Variants in ABHD3 observed in about 807,000 individuals in gnomAD.
ABHD3 encodes the protein abhydrolase domain containing 3, phospholipase, also known as phospholipase ABHD3.
In ABHD3, 46 loss-of-function variants were observed where a neutral mutation model predicts 48.8. The ratio of observed to expected loss-of-function variants is 0.94; its 90% CI spans 0.74 to 1.20. The LOEUF is 1.20. Ranked by LOEUF, ABHD3 falls within the 50% of genes most tolerant of loss-of-function variation. The probability of loss-of-function intolerance (pLI) is 0.00; values close to 1 mark genes in which losing one functional copy is unlikely to be tolerated. For missense variants in ABHD3, 490 were observed against 497.8 expected (o/e 0.98, Z 0.15); for synonymous variants, 192 against 183.7 (o/e 1.04, Z -0.36).
chr18:21,682,906 T>A (rs750836437), intron 4 of ABHD3: 1 of 152,178 alleles, frequency 6.6e-6, no homozygotes, highest in African/African-American at 2.4e-5. Flanking sequence ...AACCTTCACG[T>A]CAAGCTATTT....
At position 21,664,141 on chromosome 18, in the gene ABHD3, C is replaced by T. The variant is rs757682905; in HGVS notation, c.645G>A (p.Leu215=). The T allele has an allele frequency of 6.2e-7, 1 of 1,612,234 alleles. No homozygotes were observed. The highest frequency in any genetic ancestry group is 2.2e-5 in the East Asian group (1 of 44,856). ...VHSLYPSAPF[L]AAGVSMGGML... ...ACCCTCCCATTGAAACCCCTGCTGCCAGGAAAGGAGCAGAAGGGTACAGGC... is the reference window on the plus strand; with the variant it reads ...ACCCTCCCATTGAAACCCCTGCTGCTAGGAAAGGAGCAGAAGGGTACAGGC... The change falls in exon 5 of 9, where the codon CTG becomes CTA. Residue 215 remains leucine (L), a synonymous_variant. Coordinates refer to ENST00000289119, the MANE Select transcript of ABHD3 (RefSeq NM_138340.5).
At chr18:21,678,496 GCTTT>G (rs1200936843) in intron 4 of ABHD3, among the ~76,000 whole-genome samples, 8 of 151,916 alleles carry the variant, frequency 5.3e-5, no homozygotes, top group African/African-American at 1.9e-4. Flanking sequence ...ACTAAAAATA[GCTTT>G]CTGTGTCTAC....
intron 4 of ABHD3, among the ~76,000 whole-genome samples, chr18:21,680,318 A>T (rs765601684): frequency 1.8e-4 from 28 of 152,130 alleles, no homozygotes; most frequent in Non-Finnish European, 3.1e-4. Flanking sequence ...GCCCAGTCTC[A>T]TGTTTATTAT....
Position 21,683,908 on chromosome 18 carries a change from A to G in ABHD3, c.555+12T>C. The G allele has an allele frequency of 1.9e-6, 3 of 1,587,940 alleles. No homozygotes were observed. Among genetic ancestry groups the G allele is most frequent in the Non-Finnish European group, 2.6e-6 (3 of 1,166,346 alleles). On this transcript the variant is annotated intron_variant, in intron 4 of 8. Transcript: ENST00000289119. ...TAAAAAGTTAAGACTGTTGTCATTT[A>G]AATTTACTTACCAAGAGATTCTCCC... is the stretch of plus-strand genomic sequence containing the variant.
chr18:21,698,773 G>T (rs1278780859), intron 3 of ABHD3, among the ~76,000 whole-genome samples: 1 of 151,646 alleles, frequency 6.6e-6, no homozygotes, highest in Non-Finnish European at 1.5e-5. Context: ...TGTAGATGGG[G>T]TTTCGCCATG....
chr18:21,667,527 C>T (rs925555386), intron 4 of ABHD3, among the ~76,000 whole-genome samples: 2 of 152,136 alleles, frequency 1.3e-5, no homozygotes, highest in Non-Finnish European at 1.5e-5. Flanking sequence ...AGGCGTGAAT[C>T]ACCGCGCCCA....
intron 3 of ABHD3, chr18:21,701,412 A>C (rs2040510424): frequency 6.6e-6 from 1 of 152,192 alleles, no homozygotes; most frequent in African/African-American, 2.4e-5. Context: ...CATGTTGCCC[A>C]GGCTGGTCTC....
chr18:21,656,755 TATC>T (rs1364569228), intron 8 of ABHD3, 103 bp downstream of exon 8: 8 of 1,136,596 alleles, frequency 7.0e-6, no homozygotes, highest in Non-Finnish European at 8.5e-6. Context: ...CTAGTTTTTT[TATC>T]ATAATGGAAA....
At position 21,663,915 on chromosome 18, in the gene ABHD3, A is replaced by G. The variant is rs1050353088; in HGVS notation, c.668+203T>C. ...AAAATCCGCAGTCACAGAGACCCGT[A>G]GTTAAGAAAAATATTAAAATTCACC... is the stretch of plus-strand genomic sequence containing the variant. On this transcript the variant is annotated intron_variant, in intron 5 of 8. Transcript: ENST00000289119. 1.0e-5 allele frequency: 15 copies of G among 1,432,796 alleles called. No homozygotes were observed. In the African/African-American group the frequency reaches 1.1e-4, roughly 11 times the overall value. The allele number at this position is 1,432,796 out of a possible 1,614,324, so 88.8% of individuals were successfully genotyped here. A position where few individuals can be genotyped will look rare whatever the true frequency, so the allele number is the denominator to read the frequency against.
At chr18:21,657,218 T>G in intron 6 of ABHD3, 66 bp from the exon 7 acceptor site, 1 of 1,444,846 alleles carries the variant, frequency 6.9e-7, no homozygotes, top group Non-Finnish European at 9.3e-7. Context: ...TAAAAGGACT[T>G]AAAAACAAAT....
At chr18:21,656,257 C>G (rs2039347064) in intron 8 of ABHD3, among the ~76,000 whole-genome samples, 1 of 152,050 alleles carries the variant, frequency 6.6e-6, no homozygotes, top group African/African-American at 2.4e-5. Flanking sequence ...TCATTGCAGC[C>G]TCAAACTTCT....
At chr18:21,666,271 G>C (rs973502011) in intron 4 of ABHD3, among the ~76,000 whole-genome samples, 45 of 152,148 alleles carry the variant, frequency 3.0e-4, no homozygotes, top group African/African-American at 1.0e-3. Context: ...TTGGCTCACT[G>C]CAACCTCTGC....
At chr18:21,684,378 T>C (rs187751059) in intron 3 of ABHD3, among the ~76,000 whole-genome samples, 4 of 135,842 alleles carry the variant, frequency 2.9e-5, no homozygotes, top group Admixed American at 8.5e-5. Flanking sequence ...AGTGCAATGG[T>C]GCGATCTCGG....
In ABHD3 at chr18:21,656,895, T is replaced by TA; in HGVS notation, c.1022dup (p.Asn342LysfsTer5). ...GTGAGAAAACATCATCCACAGAATT[T>TA]AGACACAATACTGGAATTCCTACTG... is the stretch of plus-strand genomic sequence containing the variant. On this transcript the variant is annotated frameshift_variant, in exon 8 of 9. Coordinates refer to ENST00000289119, the MANE Select transcript of ABHD3 (RefSeq NM_138340.5). LOFTEE classifies it high-confidence loss of function. The TA allele has an allele frequency of 6.2e-7, 1 of 1,610,218 alleles. No individual in the cohort carries two copies. Among genetic ancestry groups the TA allele is most frequent in the Non-Finnish European group, 8.5e-7 (1 of 1,177,252 alleles).
Position 21,698,451 on chromosome 18 carries a change from T to C in ABHD3, c.509+3865A>G, listed in dbSNP as rs2040436641. 2.6e-5 allele frequency among the ~76,000 whole-genome samples: 4 copies of C among 152,136 alleles called. No homozygotes were observed. In the South Asian group the frequency reaches 8.3e-4, roughly 32 times the overall value. ...ATCTGCCCACGTCGGCCTCCCAGAATGCTGGGATTACAGGCTTGAGCCACC... is the reference window on the plus strand; with the variant it reads ...ATCTGCCCACGTCGGCCTCCCAGAACGCTGGGATTACAGGCTTGAGCCACC... On this transcript the variant is annotated intron_variant, in intron 3 of 8. Transcript: ENST00000289119.
chr18:21,695,093 A>C (rs9966827), intron 3 of ABHD3, among the ~76,000 whole-genome samples: 80,853 of 151,850 alleles, frequency 0.53, 25,212 homozygotes, highest in African/African-American at 0.87. Flanking sequence ...AGTGCAATGG[A>C]GCAATCTCAA....
chr18:21,681,856 G>A (rs1488043721), intron 4 of ABHD3, among the ~76,000 whole-genome samples: 1 of 152,158 alleles, frequency 6.6e-6, no homozygotes, highest in Non-Finnish European at 1.5e-5. Context: ...CAGGACAGGG[G>A]CCAGGTGCAG....
chr18:21,684,511 C>A (rs2146319632), intron 3 of ABHD3, among the ~76,000 whole-genome samples: 1 of 151,882 alleles, frequency 6.6e-6, no homozygotes, highest in African/African-American at 2.4e-5. Flanking sequence ...TTAGTAGACA[C>A]AGAGTTTCAC....
intron 2 of ABHD3, 33 bp from the exon 3 acceptor site, chr18:21,702,531 T>C: frequency 1.4e-6 from 2 of 1,475,814 alleles, no homozygotes; most frequent in Non-Finnish European, 1.8e-6. Context: ...CATTACTATT[T>C]ACATGTTTTA....
Sources: gnomAD v4.1 joint callset for allele counts (sites outside exome capture counted in the v4.1 genomes callset) on GRCh38, gnomAD v4.1.1 for gene constraint, MANE v1.5 for transcripts, NCBI Gene and HGNC (gene_info 2026-07-23, HGNC 2026-07-21) for gene names.